The following SORBS2 variants were observed in gnomAD, a reference collection of about 807,000 sequenced individuals.
The protein encoded by SORBS2 is sorbin and SH3 domain-containing protein 2.
Under a neutral mutation model 97.7 loss-of-function variants are expected in SORBS2, and 46 were observed. The observed-to-expected ratio is 0.47, with a 90% CI of 0.37 to 0.60. SORBS2 has a LOEUF of 0.60. SORBS2 is among the 20% of genes least tolerant of loss of function. SORBS2 has a pLI of 0.00. For missense variants in SORBS2, 1,316 were observed against 1,282.3 expected (o/e 1.03, Z -0.40); for synonymous variants, 476 against 473.4 (o/e 1.01, Z -0.07).
chr4:185,629,149 G>A (rs2096865227), intron 5 of SORBS2, among the ~76,000 whole-genome samples: 1 of 152,182 alleles, frequency 6.6e-6, no homozygotes. Context: ...TGTCTGGGAT[G>A]TACGGAAGCA....
At chr4:185,726,786 T>C (rs1258745975) in intron 2 of SORBS2, among the ~76,000 whole-genome samples, 1 of 151,974 alleles carries the variant, frequency 6.6e-6, no homozygotes, top group African/African-American at 2.4e-5. Flanking sequence ...GAAGGAAAAA[T>C]AGACACAAAT....
At chr4:185,636,763 C>T (rs2097013332) in intron 4 of SORBS2, among the ~76,000 whole-genome samples, 2 of 152,018 alleles carry the variant, frequency 1.3e-5, no homozygotes, top group South Asian at 2.1e-4. Flanking sequence ...ATTCTCCTGC[C>T]TCGGTCTCCC....
At chr4:185,932,131 C>A (rs559937918) in intron 1 of SORBS2, among the ~76,000 whole-genome samples, 2 of 151,374 alleles carry the variant, frequency 1.3e-5, no homozygotes, top group East Asian at 3.9e-4. Flanking sequence ...CCTTGGTAAA[C>A]CACTTGGAGG....
At chr4:185,766,080 G>A (rs2153615147) in intron 2 of SORBS2, among the ~76,000 whole-genome samples, 1 of 152,318 alleles carries the variant, frequency 6.6e-6, no homozygotes, top group South Asian at 2.1e-4. Flanking sequence ...AAAAGGGAGT[G>A]TTTTACTGCC....
At chr4:185,709,605 A>C (rs2098399844) in intron 2 of SORBS2, among the ~76,000 whole-genome samples, 1 of 152,148 alleles carries the variant, frequency 6.6e-6, no homozygotes, top group East Asian at 1.9e-4. Context: ...CAGAAAAATT[A>C]ACCTACCCTT....
At chr4:185,690,156 C>G (rs957602783) in intron 2 of SORBS2, among the ~76,000 whole-genome samples, 2 of 152,216 alleles carry the variant, frequency 1.3e-5, no homozygotes, top group Admixed American at 6.5e-5. Context: ...CTTTGGCACT[C>G]TATCTGCTGA....
intron 4 of SORBS2, among the ~76,000 whole-genome samples, chr4:185,631,132 C>T (rs556797841): frequency 1.4e-4 from 22 of 152,174 alleles, no homozygotes; most frequent in South Asian, 6.2e-4. Flanking sequence ...ATAGACATGA[C>T]GTTTAAATAA....
At chr4:185,589,269 G>A (rs186536461) in intron 14 of SORBS2, 1 of 160,274 alleles carries the variant, frequency 6.2e-6, no homozygotes, top group East Asian at 1.8e-4. Context: ...TCAGACCTAG[G>A]AAACGGGAGA....
At chr4:185,686,125 A>G (rs112292090) in intron 2 of SORBS2, among the ~76,000 whole-genome samples, 116 of 152,314 alleles carry the variant, frequency 7.6e-4, no homozygotes, top group African/African-American at 2.6e-3. Context: ...AAAGTTATAA[A>G]AAAAGACAAT....
chr4:185,921,357 G>A (rs2099260851), intron 1 of SORBS2, among the ~76,000 whole-genome samples: 1 of 152,150 alleles, frequency 6.6e-6, no homozygotes, highest in South Asian at 2.1e-4. Context: ...AACCGAATCT[G>A]TTACGGAGTT....
chr4:185,934,339 G>A (rs188178763), intron 1 of SORBS2, among the ~76,000 whole-genome samples: 71 of 152,226 alleles, frequency 4.7e-4, no homozygotes, highest in African/African-American at 1.4e-3. Context: ...TCCCTGCCAC[G>A]CAAAGGCTTG....
intron 11 of SORBS2, among the ~76,000 whole-genome samples, chr4:185,613,040 C>T (rs542101934): frequency 3.3e-5 from 5 of 152,264 alleles, no homozygotes; most frequent in South Asian, 2.1e-4. Context: ...CTGCCATGAC[C>T]GAGCCAGTGC....
exon 15 of SORBS2, chr4:185,587,685 G>A: frequency 1.2e-6 from 2 of 1,612,640 alleles, no homozygotes; most frequent in South Asian, 2.2e-5. Flanking sequence ...TCTTCTTGAG[G>A]TCCCTGAAAA....
At chr4:185,717,108 A>G (rs2098471760) in intron 2 of SORBS2, among the ~76,000 whole-genome samples, 1 of 152,194 alleles carries the variant, frequency 6.6e-6, no homozygotes, top group Non-Finnish European at 1.5e-5. Flanking sequence ...CTGTATTGGA[A>G]GTATACTGAG....
At chr4:185,914,651 C>T (rs1561296430) in intron 1 of SORBS2, among the ~76,000 whole-genome samples, 2 of 152,206 alleles carry the variant, frequency 1.3e-5, no homozygotes, top group Admixed American at 1.3e-4. Flanking sequence ...ATGAAGTTAA[C>T]ATTATGCATT....
rs2096607773 is a variant in SORBS2 at position 185,615,094 on chromosome 4, T to A, written c.2417A>T (p.Glu806Val). 3.1e-6 allele frequency: 5 copies of A among 1,613,932 alleles called. No individual in the cohort carries two copies. The highest frequency in any genetic ancestry group is 3.4e-6 in the Non-Finnish European group (4 of 1,179,890). ...GCCCACTCTCCCGTGGTGTTCTCCC[T>A]CATACCAATTTTGATCAATTTTCCT... The change falls in exon 10 of 15, where the codon GAG becomes GTG. Residue 806 changes from glutamate (E) to valine (V), a missense_variant. Transcript: ENST00000418609.
Position 185,919,707 on chromosome 4 carries a change from C to A in SORBS2, c.-338+36489G>T, listed in dbSNP as rs368425631. 1.2e-4 allele frequency among the ~76,000 whole-genome samples: 19 copies of A among 152,298 alleles called. No homozygotes were observed. In the East Asian group the frequency reaches 2.9e-3, roughly 23 times the overall value. Reference sequence around the variant, plus strand: ...AACCCACTTCACCAGGATATGTCACCAAATTGACATCACCAGAAATAGCTG... The same window carrying A: ...AACCCACTTCACCAGGATATGTCACAAAATTGACATCACCAGAAATAGCTG... On this transcript the variant is annotated intron_variant, in intron 1 of 20. Coordinates refer to the SORBS2 transcript ENST00000284776.
intron 1 of SORBS2, among the ~76,000 whole-genome samples, chr4:185,932,207 A>G (rs1197644623): frequency 6.6e-6 from 1 of 151,802 alleles, no homozygotes; most frequent in Admixed American, 6.6e-5. Flanking sequence ...TGCTTGCGGG[A>G]TTAGGAGGCA....
At chr4:185,946,652 TCTC>T (rs1330776244) in intron 1 of SORBS2, among the ~76,000 whole-genome samples, 14 of 152,136 alleles carry the variant, frequency 9.2e-5, no homozygotes, top group Non-Finnish European at 4.4e-5. Context: ...CCACCCTGCT[TCTC>T]CTCTAAATGA....
Sources: gnomAD v4.1 joint callset for allele counts (sites outside exome capture counted in the v4.1 genomes callset) on GRCh38, gnomAD v4.1.1 for gene constraint, MANE v1.5 for transcripts, NCBI Gene and HGNC (gene_info 2026-07-23, HGNC 2026-07-21) for gene names.